The following SGCZ variants were observed in gnomAD, a reference collection of about 807,000 sequenced individuals.
The protein encoded by SGCZ is zeta-sarcoglycan.
SGCZ carries 40 observed loss-of-function variants against 41.3 expected under a neutral mutation model. The ratio of observed to expected loss-of-function variants is 0.97; its 90% confidence interval spans 0.75 to 1.26. The LOEUF (loss-of-function observed/expected upper bound fraction) is 1.26. Among genes scored for constraint, SGCZ ranks in the 50% most tolerant of loss-of-function variants. The pLI, the probability that SGCZ is intolerant of heterozygous loss-of-function variation, is 0.00. For synonymous variants in SGCZ, 206 were observed against 137.5 expected (o/e 1.50, Z -3.49); for missense variants, 552 against 369.8 (o/e 1.49, Z -4.04).
At chr8:15,174,938 C>T (rs268383) in intron 1 of SGCZ, among the ~76,000 whole-genome samples, 130,081 of 152,068 alleles carry the variant, frequency 0.86, 55,667 homozygotes, top group South Asian at 0.87. Flanking sequence ...AACAGTGTGG[C>T]GATTCCTCAA....
At chr8:14,258,930 G>C (rs4831288) in intron 3 of SGCZ, among the ~76,000 whole-genome samples, 1 of 152,188 alleles carries the variant, frequency 6.6e-6, no homozygotes, top group Non-Finnish European at 1.5e-5. Flanking sequence ...GTAGCATACA[G>C]GCAAAGGCAG....
intron 2 of SGCZ, among the ~76,000 whole-genome samples, chr8:14,378,710 G>A (rs1380137063): frequency 6.6e-6 from 1 of 152,074 alleles, no homozygotes; most frequent in Admixed American, 6.6e-5. Flanking sequence ...ACAGTCTTGG[G>A]GACTGACTGA....
chr8:14,288,488 G>A (rs1251706098), intron 3 of SGCZ, among the ~76,000 whole-genome samples: 13 of 151,910 alleles, frequency 8.6e-5, no homozygotes, highest in Admixed American at 8.5e-4. Context: ...CCATCTCCAC[G>A]GCTTTGACTA....
At chr8:14,551,590 ATATATAT>A (rs1803862693) in intron 2 of SGCZ, among the ~76,000 whole-genome samples, 4 of 32,928 alleles carry the variant, frequency 1.2e-4, no homozygotes, top group African/African-American at 1.8e-4. Context: ...AATATATATA[ATATATAT>A]TATATATATT....
chr8:14,400,392 G>A (rs888397165), intron 2 of SGCZ, among the ~76,000 whole-genome samples: 1 of 151,968 alleles, frequency 6.6e-6, no homozygotes, highest in Non-Finnish European at 1.5e-5. Flanking sequence ...CCACTTTGTA[G>A]CTATTCACAA....
intron 1 of SGCZ, among the ~76,000 whole-genome samples, chr8:14,982,183 T>A (rs79352122): frequency 1.3e-5 from 2 of 151,234 alleles, no homozygotes; most frequent in Non-Finnish European, 2.9e-5. Flanking sequence ...GGAAATGACA[T>A]TATTTGAAAA....
chr8:14,249,424 T>C lies in SGCZ; in HGVS notation c.337-11745A>G, dbSNP rs76735985. On this transcript the variant is annotated intron_variant, in intron 3 of 7. Coordinates refer to ENST00000382080, the MANE Select transcript of SGCZ (RefSeq NM_139167.4). ...GTCAATTCTTTATAATAAATCTCTT[T>C]ATTTATTGGTCTGTTTCTCTAGAGA... 2.0e-5 allele frequency among the ~76,000 whole-genome samples: 3 copies of C among 152,110 alleles called. No individual in the cohort carries two copies. The East Asian group carries it at 5.8e-4, about 29-fold the overall frequency.
intron 1 of SGCZ, among the ~76,000 whole-genome samples, chr8:14,815,537 C>A (rs1174823317): frequency 6.6e-6 from 1 of 152,096 alleles, no homozygotes; most frequent in African/African-American, 2.4e-5. Flanking sequence ...ACTATGAATT[C>A]TTTAGACATT....
chr8:14,089,871 G>C lies in SGCZ; in HGVS notation c.*572C>G, dbSNP rs1335548895. On this transcript the variant is annotated 3_prime_UTR_variant, in exon 8 of 8. Transcript: ENST00000382080. ...AAGAAACAGAAGGAAAACTCAGGGA[G>C]AGATTCTGTATTGTTTTGTTTTGTT... 1 of 152,444 alleles carries C rather than the reference G, an allele frequency of 6.6e-6. No individual in the cohort carries two copies. 9.4% of individuals were successfully genotyped at this position (152,444 alleles called of 1,614,324 possible).
chr8:14,749,936 C>A (rs1482099826), intron 1 of SGCZ, among the ~76,000 whole-genome samples: 1 of 152,058 alleles, frequency 6.6e-6, no homozygotes, highest in Non-Finnish European at 1.5e-5. Context: ...ATATACACTG[C>A]ATTGTTGAAC....
intron 3 of SGCZ, among the ~76,000 whole-genome samples, chr8:14,316,516 T>C (rs1801719427): frequency 6.6e-6 from 1 of 152,032 alleles, no homozygotes; most frequent in Non-Finnish European, 1.5e-5. Context: ...GACTAAAGCA[T>C]AATCGAGTTA....
chr8:14,999,679 C>T (rs1287365888), intron 1 of SGCZ, among the ~76,000 whole-genome samples: 1 of 152,142 alleles, frequency 6.6e-6, no homozygotes, highest in Non-Finnish European at 1.5e-5. Flanking sequence ...CATCACAGGA[C>T]CCTTACTCCG....
At chr8:14,325,407 C>A (rs1759730090) in intron 2 of SGCZ, among the ~76,000 whole-genome samples, 2 of 150,674 alleles carry the variant, frequency 1.3e-5, no homozygotes, top group African/African-American at 2.4e-5. Flanking sequence ...TAGGCTCAAT[C>A]CCAAAGCAAA....
At chr8:14,096,637 T>C (rs534380888) in intron 7 of SGCZ, among the ~76,000 whole-genome samples, 1 of 152,252 alleles carries the variant, frequency 6.6e-6, no homozygotes, top group South Asian at 2.1e-4. Context: ...TTAGGGAGGA[T>C]TCCCTCTTTT....
At chr8:14,500,222 G>C (rs1226424724) in intron 2 of SGCZ, among the ~76,000 whole-genome samples, 1 of 152,012 alleles carries the variant, frequency 6.6e-6, no homozygotes, top group African/African-American at 2.4e-5. Flanking sequence ...CTTTTGGTGG[G>C]AAATTCTAAA....
At chr8:14,180,765 G>A (rs950897467) in intron 4 of SGCZ, among the ~76,000 whole-genome samples, 2 of 151,976 alleles carry the variant, frequency 1.3e-5, no homozygotes, top group South Asian at 4.2e-4. Context: ...TCCAAGCCAT[G>A]CTCCTGAAGC....
At chr8:14,201,245 A>G (rs1322375014) in intron 4 of SGCZ, among the ~76,000 whole-genome samples, 1 of 152,146 alleles carries the variant, frequency 6.6e-6, no homozygotes, top group Non-Finnish European at 1.5e-5. Context: ...TACACTTATC[A>G]TACAACGTTG....
chr8:14,468,994 T>C (rs1801132253), intron 2 of SGCZ, among the ~76,000 whole-genome samples: 2 of 152,112 alleles, frequency 1.3e-5, no homozygotes, highest in African/African-American at 4.8e-5. Context: ...TCCACTATAA[T>C]AACCTACTCA....
At chr8:14,382,365 A>G (rs1368017003) in intron 2 of SGCZ, among the ~76,000 whole-genome samples, 1 of 152,050 alleles carries the variant, frequency 6.6e-6, no homozygotes, top group East Asian at 1.9e-4. Flanking sequence ...CAGACTCAAA[A>G]CTGAGGCCTC....
Sources: allele counts gnomAD v4.1 joint callset (sites outside exome capture counted in the v4.1 genomes callset), GRCh38; gene constraint gnomAD v4.1.1; transcripts MANE v1.5; gene names NCBI Gene and HGNC (gene_info 2026-07-23, HGNC 2026-07-21).